The following MYRF variants were observed in gnomAD, a reference collection of about 807,000 sequenced individuals.
MYRF encodes myelin regulatory factor, also known as myelin gene regulatory factor.
Under a neutral mutation model 126.3 loss-of-function variants are expected in MYRF, and 16 were observed. The ratio of observed to expected loss-of-function variants is 0.13; its 90% CI spans 0.09 to 0.19. MYRF has a LOEUF of 0.19. Among genes scored for constraint, MYRF ranks in the 10% least tolerant of loss-of-function variants. The pLI, the probability that MYRF is intolerant of heterozygous loss-of-function variation, is 1.00. For missense variants in MYRF, 1,104 were observed against 1,547.0 expected (o/e 0.71, Z 4.80); for synonymous variants, 608 against 635.3 (o/e 0.96, Z 0.65).
Position 61,774,129 on chromosome 11 carries a change from C to T in MYRF, c.1278C>T (p.Leu426=), listed in dbSNP as rs746963602. ...AGACGCCCGAGGGCCTCAAGCCCCT[C>T]GACTGCTTCTATCTGAAGCTGCACG... ...YVKTPEGLKP[L]DCFYLKLHGV... The change falls in exon 8 of 27, where the codon CTC becomes CTT. Residue 426 remains leucine, a synonymous_variant. Coordinates refer to ENST00000278836, the MANE Select transcript of MYRF (RefSeq NM_001127392.3). 2.5e-5 allele frequency: 40 copies of T among 1,612,936 alleles called. No homozygotes were observed. Among genetic ancestry groups the T allele is most frequent in the East Asian group, 4.5e-5 (2 of 44,876 alleles).
intron 5 of MYRF, 49 bp downstream of exon 5, chr11:61,770,574 G>T: frequency 2.1e-6 from 3 of 1,451,922 alleles, no homozygotes; most frequent in South Asian, 1.3e-5. Flanking sequence ...GGGGTACAGG[G>T]ACCAGGGTGG....
Position 61,777,147 on chromosome 11 carries a change from G to A in MYRF, c.1591-117G>A. ...AGGGACAGTTCAAGTTGGGCTTGGT[G>A]CAGTGAGAAACCCTGGCTGGAAGGG... On this transcript the variant is annotated intron_variant, in intron 11 of 26. Transcript: ENST00000278836. This position sits in a 1 kb window ranked among gnomAD's most constrained non-coding sequence, Gnocchi z 8.8. The A allele has an allele frequency of 9.0e-7, 1 of 1,109,424 alleles. No individual in the cohort carries two copies. Among genetic ancestry groups the A allele is most frequent in the Non-Finnish European group, 1.3e-6 (1 of 775,578 alleles). 68.7% of individuals were successfully genotyped at this position (1,109,424 alleles called of 1,614,324 possible).
chr11:61,762,603 T>TG, intron 1 of MYRF, among the ~76,000 whole-genome samples: 1 of 152,214 alleles, frequency 6.6e-6, no homozygotes, highest in Admixed American at 6.5e-5. Flanking sequence ...CCTGGGTTCT[T>TG]GGGGGCTCTA....
In MYRF at chr11:61,757,065, C is replaced by A; in HGVS notation, c.46+4275C>A. On this transcript the variant is annotated intron_variant, in intron 1 of 26. Coordinates refer to ENST00000278836, the MANE Select transcript of MYRF (RefSeq NM_001127392.3). This position sits in a 1 kb window ranked among gnomAD's most constrained non-coding sequence, Gnocchi z 4.7. ...CATTAACTGGGTGGCCCCGCCCTACCCAGGCAGCCTGCCTTACCTTCCCAC... is the reference window on the plus strand; with the variant it reads ...CATTAACTGGGTGGCCCCGCCCTACACAGGCAGCCTGCCTTACCTTCCCAC... The A allele has an allele frequency of 2.3e-6, 1 of 427,232 alleles. No homozygotes were observed. Among genetic ancestry groups the A allele is most frequent in the Non-Finnish European group, 4.8e-6 (1 of 208,200 alleles). The allele number at this position is 427,232 out of a possible 1,614,324, so 26.5% of individuals were successfully genotyped here. A position where few individuals can be genotyped will look rare whatever the true frequency, so the allele number is the denominator to read the frequency against.
In MYRF at chr11:61,784,116, C is replaced by G. The variant is rs2066626469; in HGVS notation, c.3195-164C>G. ...TGACCTGGCCTCATGGGCTGAGGAC[C>G]ACATGGGATGGTCGATGGGAAAGGT... is the stretch of plus-strand genomic sequence containing the variant. On this transcript the variant is annotated intron_variant, in intron 24 of 26. Coordinates refer to ENST00000278836, the MANE Select transcript of MYRF (RefSeq NM_001127392.3). The G allele has an allele frequency of 5.3e-6, 5 of 952,020 alleles. No individual in the cohort carries two copies. In the Admixed American group the frequency reaches 1.1e-4, roughly 21 times the overall value. The allele number at this position is 952,020 out of a possible 1,614,324, so 59.0% of individuals were successfully genotyped here. A position where few individuals can be genotyped will look rare whatever the true frequency, so the allele number is the denominator to read the frequency against.
At position 61,787,725 on chromosome 11, in the gene MYRF, T is replaced by C. The variant is rs1488626556; in HGVS notation, c.*1582T>C. 6.5e-6 allele frequency: 1 copy of C among 152,738 alleles called. No individual in the cohort carries two copies. Among genetic ancestry groups the C allele is most frequent in the African/African-American group, 2.4e-5 (1 of 41,416 alleles). 9.5% of individuals were successfully genotyped at this position (152,738 alleles called of 1,614,324 possible). On this transcript the variant is annotated 3_prime_UTR_variant, in exon 27 of 27. Transcript: ENST00000278836. ...TAGGAATTTTACGATTCCCAAACCATGCAGGGGCTGAGCCTTCCTTATGAT... is the reference window on the plus strand; with the variant it reads ...TAGGAATTTTACGATTCCCAAACCACGCAGGGGCTGAGCCTTCCTTATGAT...
rs2066729148 is a variant in MYRF, at chr11:61,787,834, C to A, written c.*1691C>A. 6.5e-6 allele frequency: 1 copy of A among 152,726 alleles called. No individual in the cohort carries two copies. The highest frequency in any genetic ancestry group is 1.5e-5 in the Non-Finnish European group (1 of 68,062). 9.5% of individuals were successfully genotyped at this position (152,726 alleles called of 1,614,324 possible). ...CACTCCATGTAATAGGATTCCTGGG[C>A]TTCCTCAATGGGGGTTCATGTTCTT... On this transcript the variant is annotated 3_prime_UTR_variant, in exon 27 of 27. Coordinates refer to ENST00000278836, the MANE Select transcript of MYRF (RefSeq NM_001127392.3).
intron 1 of MYRF, among the ~76,000 whole-genome samples, chr11:61,759,960 G>C (rs2065859805): frequency 6.6e-6 from 1 of 152,008 alleles, no homozygotes; most frequent in African/African-American, 2.4e-5. Context: ...AAGCAGGGCA[G>C]CTAGCAGTTA....
intron 25 of MYRF, 38 bp downstream of exon 25, chr11:61,784,423 G>T (rs201290496): frequency 1.3e-6 from 2 of 1,556,264 alleles, no homozygotes; most frequent in South Asian, 2.3e-5. Flanking sequence ...GGCCAGGCCC[G>T]AGCTGCTTCT....
chr11:61,774,838 C>T (rs1451677004), intron 8 of MYRF, among the ~76,000 whole-genome samples: 1 of 152,068 alleles, frequency 6.6e-6, no homozygotes, highest in East Asian at 1.9e-4. Context: ...TTTCCTGCTC[C>T]AGCCTGTGAT....
Position 61,783,773 on chromosome 11 carries a change from T to TG in MYRF, c.3120-73dup. On this transcript the variant is annotated intron_variant, in intron 23 of 26. Transcript: ENST00000278836. This position sits in a 1 kb window ranked among gnomAD's most constrained non-coding sequence, Gnocchi z 4.6. ...TCTTCTGGAGGGCTCCAGTACAGAT[T>TG]GGGGGCTGAGGAGTCCCTGGTGGGG... 1 of 1,458,554 alleles carries TG rather than the reference T, an allele frequency of 6.9e-7. No homozygotes were observed. The highest frequency in any genetic ancestry group is 1.4e-5 in the African/African-American group (1 of 71,650). The allele number at this position is 1,458,554 out of a possible 1,614,324, so 90.4% of individuals were successfully genotyped here.
chr11:61,761,291 C>T (rs1471813034), intron 1 of MYRF, among the ~76,000 whole-genome samples: 11 of 117,160 alleles, frequency 9.4e-5, no homozygotes, highest in East Asian at 3.1e-4. Context: ...CAAGGAGGGG[C>T]GGAAGGGAGG....
In MYRF at chr11:61,777,799, C is replaced by T. The variant is rs1456061118; in HGVS notation, c.1857C>T (p.Pro619=). ...RMRLVHYRYK[P]EFAASAGIEA... ...GGCTGGTGCACTACAGATACAAGCCCGAGTTCGCCGCCAGCGCGGGCATCG... is the reference window on the plus strand; with the variant it reads ...GGCTGGTGCACTACAGATACAAGCCTGAGTTCGCCGCCAGCGCGGGCATCG... The change falls in exon 13 of 27, where the codon CCC becomes CCT. Residue 619 remains proline (P), a synonymous_variant. Coordinates refer to ENST00000278836, the MANE Select transcript of MYRF (RefSeq NM_001127392.3). This position sits in a 1 kb window ranked among gnomAD's most constrained non-coding sequence, Gnocchi z 8.8. 1.9e-6 allele frequency: 3 copies of T among 1,552,408 alleles called. No individual in the cohort carries two copies. The highest frequency in any genetic ancestry group is 3.9e-5 in the Admixed American group (2 of 51,250).
In MYRF at chr11:61,780,262, A is replaced by G; in HGVS notation, c.2377A>G (p.Thr793Ala). ...MSTLYVLSLR[T>A]EEDLVDTDGS... ...CACACTGTACGTGCTGAGCCTGCGCACAGAGGAGGACCTGGTAGACACTGA... is the reference window on the plus strand; with the variant it reads ...CACACTGTACGTGCTGAGCCTGCGCGCAGAGGAGGACCTGGTAGACACTGA... Residue 793 changes from threonine to alanine, a missense_variant, in exon 18 of 27, where the codon ACA becomes GCA. Transcript: ENST00000278836. 1 of 1,613,820 alleles carries G rather than the reference A, an allele frequency of 6.2e-7. No individual in the cohort carries two copies. The highest frequency in any genetic ancestry group is 1.3e-5 in the African/African-American group (1 of 75,010).
intron 5 of MYRF, among the ~76,000 whole-genome samples, 200 bp downstream of exon 5, chr11:61,770,725 A>G (rs955741898): frequency 1.3e-5 from 2 of 152,174 alleles, no homozygotes; most frequent in African/African-American, 4.8e-5. Flanking sequence ...AGCCATGGCT[A>G]ATTGCTCACA....
chr11:61,784,046 G>A, intron 24 of MYRF, 121 bp downstream of exon 24: 1 of 1,244,238 alleles, frequency 8.0e-7, no homozygotes, highest in Non-Finnish European at 1.1e-6. Context: ...TGCATGGTGG[G>A]ATAAGTGCTG....
intron 19 of MYRF, 62 bp from the exon 20 acceptor site, chr11:61,780,898 T>C: frequency 6.3e-7 from 1 of 1,596,930 alleles, no homozygotes; most frequent in South Asian, 1.1e-5. Flanking sequence ...TCCAGGACTG[T>C]CAGGCCCTCT....
intron 3 of MYRF, chr11:61,766,795 C>A (rs556585162): frequency 1.7e-4 from 57 of 332,952 alleles, no homozygotes; most frequent in African/African-American, 1.1e-3. Flanking sequence ...AGCCACCCGG[C>A]CAGCCAGACT....
At chr11:61,770,566 G>T in intron 5 of MYRF, 41 bp downstream of exon 5, 2 of 1,515,624 alleles carry the variant, frequency 1.3e-6, no homozygotes, top group Non-Finnish European at 1.8e-6. Flanking sequence ...GGGAAGGTGG[G>T]GTACAGGGAC....
Sources: gnomAD v4.1 joint callset for allele counts (sites outside exome capture counted in the v4.1 genomes callset) on GRCh38, gnomAD v4.1.1 for gene constraint, Gnocchi (gnomAD v3.1) non-coding constraint, MANE v1.5 for transcripts, NCBI Gene and HGNC (gene_info 2026-07-23, HGNC 2026-07-21) for gene names.